DSCAM: variants seen among roughly 807,000 people sequenced by gnomAD.
DSCAM encodes the protein DS cell adhesion molecule.
A neutral mutation model predicts 217.7 loss-of-function variants in DSCAM; 47 were observed. The ratio of observed to expected loss-of-function variants is 0.22; its 90% CI spans 0.17 to 0.28. The LOEUF is 0.28. Ranked by LOEUF, DSCAM falls within the 10% of genes least tolerant of loss-of-function variation. The probability of loss-of-function intolerance (pLI) is 1.00; values close to 1 mark genes in which losing one functional copy is unlikely to be tolerated. For missense variants in DSCAM, 2,080 were observed against 2,618.3 expected (o/e 0.79, Z 4.49); for synonymous variants, 1,056 against 1,015.3 (o/e 1.04, Z -0.76).
At chr21:40,181,463 T>C (rs1026950523) in intron 14 of DSCAM, among the ~76,000 whole-genome samples, 2 of 152,234 alleles carry the variant, frequency 1.3e-5, no homozygotes, top group Admixed American at 1.3e-4. Context: ...ACTGCTTCAT[T>C]TGATTAAAAT....
At chr21:40,551,703 G>T (rs542465255) in intron 3 of DSCAM, among the ~76,000 whole-genome samples, 6 of 152,256 alleles carry the variant, frequency 3.9e-5, no homozygotes, top group African/African-American at 1.4e-4. Context: ...TTCTTTATCT[G>T]TTATGTGATA....
chr21:40,237,483 T>A (rs532550149), intron 11 of DSCAM, among the ~76,000 whole-genome samples: 2 of 152,234 alleles, frequency 1.3e-5, no homozygotes, highest in East Asian at 3.9e-4. Context: ...TCTGTTCTTG[T>A]GTTAGTTTGC....
intron 2 of DSCAM, among the ~76,000 whole-genome samples, chr21:40,695,850 T>A (rs1183767037): frequency 1.3e-5 from 2 of 152,280 alleles, no homozygotes; most frequent in South Asian, 4.1e-4. Flanking sequence ...AATCAGGGTT[T>A]TATTAAAGCT....
At chr21:40,454,490 A>C (rs1223222491) in intron 3 of DSCAM, among the ~76,000 whole-genome samples, 1 of 152,246 alleles carries the variant, frequency 6.6e-6, no homozygotes, top group Non-Finnish European at 1.5e-5. Context: ...CAGAAAAAGC[A>C]ATATAACAAT....
intron 3 of DSCAM, among the ~76,000 whole-genome samples, chr21:40,411,626 GTT>G (rs2075324173): frequency 6.6e-6 from 1 of 151,982 alleles, no homozygotes; most frequent in South Asian, 2.1e-4. Flanking sequence ...CTCAACATAA[GTT>G]ATAATAGCTA....
intron 3 of DSCAM, among the ~76,000 whole-genome samples, chr21:40,491,370 C>T (rs531364272): frequency 8.5e-5 from 13 of 152,082 alleles, no homozygotes; most frequent in Non-Finnish European, 1.3e-4. Context: ...CTTTTTGCCA[C>T]GATTCTCTTA....
intron 1 of DSCAM, among the ~76,000 whole-genome samples, chr21:40,841,978 C>T (rs1285359935): frequency 6.6e-6 from 1 of 152,206 alleles, no homozygotes; most frequent in Non-Finnish European, 1.5e-5. Flanking sequence ...TCTACGACGC[C>T]GGAGTTTGGG....
intron 3 of DSCAM, among the ~76,000 whole-genome samples, chr21:40,685,915 A>AG: frequency 6.6e-6 from 1 of 152,096 alleles, no homozygotes; most frequent in East Asian, 1.9e-4. Flanking sequence ...CTGCATATCC[A>AG]TGGGAGGAAA....
intron 3 of DSCAM, among the ~76,000 whole-genome samples, chr21:40,627,572 C>T (rs2146311389): frequency 6.6e-6 from 1 of 152,278 alleles, no homozygotes; most frequent in South Asian, 2.1e-4. Flanking sequence ...ATACTTAAGT[C>T]ACCTTGAAAT....
chr21:40,199,822 A>AG (rs2091051585), intron 11 of DSCAM, among the ~76,000 whole-genome samples: 1 of 152,172 alleles, frequency 6.6e-6, no homozygotes, highest in African/African-American at 2.4e-5. Context: ...TATCTAATGC[A>AG]TGCAGGGCTT....
chr21:40,061,696 T>C (rs555334862), intron 28 of DSCAM, among the ~76,000 whole-genome samples: 6 of 152,302 alleles, frequency 3.9e-5, no homozygotes, highest in East Asian at 3.9e-4. Flanking sequence ...TGTGTGCCAA[T>C]GGCATTCTAC....
chr21:40,032,769 A>T (rs972326359), intron 32 of DSCAM, among the ~76,000 whole-genome samples: 2 of 152,140 alleles, frequency 1.3e-5, no homozygotes, highest in African/African-American at 4.8e-5. Flanking sequence ...AACTCAAGGA[A>T]ATCATCTTTT....
rs2090325038 is a variant in DSCAM at position 40,144,081 on chromosome 21, C to CT, written c.3259+409dup. 6.7e-6 allele frequency among the ~76,000 whole-genome samples: 1 copy of CT among 148,882 alleles called. No individual in the cohort carries two copies. The highest frequency in any genetic ancestry group is 6.9e-5 in the Admixed American group (1 of 14,558). On this transcript the variant is annotated intron_variant, in intron 17 of 32. Coordinates refer to ENST00000400454, the MANE Select transcript of DSCAM (RefSeq NM_001389.5). This position sits in a 1 kb window ranked among gnomAD's most constrained non-coding sequence, Gnocchi z 4.8. ...ATTCCTTTTCTCTGTACTCAGAATGCTTGAAAATAGGAAACAATGAAAAAT... is the reference window on the plus strand; with the variant it reads ...ATTCCTTTTCTCTGTACTCAGAATGCTTTGAAAATAGGAAACAATGAAAAAT...
chr21:40,311,396 G>A (rs939289025), intron 9 of DSCAM, among the ~76,000 whole-genome samples: 2 of 152,150 alleles, frequency 1.3e-5, no homozygotes, highest in Non-Finnish European at 2.9e-5. Context: ...GAGCCTTAAT[G>A]GGAATTTGGT....
At chr21:40,639,776 A>C (rs2089855358) in intron 3 of DSCAM, among the ~76,000 whole-genome samples, 1 of 152,152 alleles carries the variant, frequency 6.6e-6, no homozygotes, top group African/African-American at 2.4e-5. Context: ...GAGAAATAAA[A>C]GCCATCACAA....
At chr21:40,791,462 G>A (rs1275664355) in intron 1 of DSCAM, among the ~76,000 whole-genome samples, 1 of 152,078 alleles carries the variant, frequency 6.6e-6, no homozygotes, top group East Asian at 1.9e-4. Context: ...AGACCATCCT[G>A]GCTAACACGG....
At position 40,318,017 on chromosome 21, in the gene DSCAM, T is replaced by A. The variant is rs146783511; in HGVS notation, c.1784-5658A>T. The stretch of plus-strand genomic sequence containing the variant: ...AAGGACATGAACTCATCATTTTTTA[T>A]GGCTGTATAGTATTCCATGGTGTAT... On this transcript the variant is annotated intron_variant, in intron 8 of 32. Coordinates refer to ENST00000400454, the MANE Select transcript of DSCAM (RefSeq NM_001389.5). Among the ~76,000 whole-genome samples, 381 of 152,286 alleles carry A rather than the reference T, an allele frequency of 2.5e-3. 5 individuals are homozygous for A. The East Asian group carries it at 0.026, about 10-fold the overall frequency.
chr21:40,020,528 T>A (rs1470983885), intron 32 of DSCAM, among the ~76,000 whole-genome samples: 2 of 149,736 alleles, frequency 1.3e-5, no homozygotes, highest in African/African-American at 2.4e-5. Flanking sequence ...TGTGTGTGTG[T>A]GTGAGAGAGA....
intron 12 of DSCAM, among the ~76,000 whole-genome samples, chr21:40,188,251 C>T (rs2090916704): frequency 6.6e-6 from 1 of 152,168 alleles, no homozygotes. Flanking sequence ...GTACATTATC[C>T]ATGTCAGGTG....
Sources: gnomAD v4.1 joint callset for allele counts (sites outside exome capture counted in the v4.1 genomes callset) on GRCh38, gnomAD v4.1.1 for gene constraint, Gnocchi (gnomAD v3.1) non-coding constraint, MANE v1.5 for transcripts, NCBI Gene and HGNC (gene_info 2026-07-23, HGNC 2026-07-21) for gene names.